UGT1A7: variants seen among roughly 807,000 people sequenced by gnomAD.
UGT1A7 encodes UDP-glucuronosyltransferase 1A7.
A neutral mutation model predicts 45.6 loss-of-function variants in UGT1A7; 33 were observed. The ratio of observed to expected loss-of-function variants is 0.72; its 90% CI spans 0.55 to 0.97. UGT1A7 has a LOEUF of 0.97. Among genes scored for constraint, UGT1A7 ranks in the 50% least tolerant of loss-of-function variants. UGT1A7 has a pLI of 0.00. For missense variants in UGT1A7, 684 were observed against 666.2 expected (o/e 1.03, Z -0.29); for synonymous variants, 274 against 250.6 (o/e 1.09, Z -0.88).
intron 1 of UGT1A7, chr2:233,754,955 G>A (rs767638744): frequency 7.6e-6 from 10 of 1,314,252 alleles, no homozygotes; most frequent in South Asian, 1.1e-5. Context: ...GGTCCCGGCC[G>A]CCAAAGAACT....
rs551497641 is a variant in UGT1A7 at position 233,769,657 on chromosome 2, C to T, written c.1295+1218C>T. ...GGGAGGACTGATGACTGACTTCCCA[C>T]CTTTGAGGTGCTAATGTGTGTGTGG... On this transcript the variant is annotated intron_variant, in intron 4 of 4. Transcript: ENST00000373426. This position sits in a 1 kb window ranked among gnomAD's most constrained non-coding sequence, Gnocchi z 4.4. 6.2e-7 allele frequency: 1 copy of T among 1,602,246 alleles called. No individual in the cohort carries two copies. Among genetic ancestry groups the T allele is most frequent in the African/African-American group, 1.3e-5 (1 of 74,712 alleles).
At chr2:233,748,129 T>A in intron 1 of UGT1A7, 2 of 1,610,122 alleles carry the variant, frequency 1.2e-6, no homozygotes, top group Admixed American at 1.7e-5. Context: ...AAACAGTTTT[T>A]AAAAATTGTA....
At chr2:233,693,769 A>C (rs1451230147) in intron 1 of UGT1A7, 3 of 1,614,160 alleles carry the variant, frequency 1.9e-6, no homozygotes, top group Non-Finnish European at 1.7e-6. Context: ...TTTGGCTGTT[A>C]AGATATGACT....
At chr2:233,731,647 G>A (rs2078187092) in intron 1 of UGT1A7, among the ~76,000 whole-genome samples, 1 of 152,156 alleles carries the variant, frequency 6.6e-6, no homozygotes, top group Admixed American at 6.5e-5. Flanking sequence ...GTATTCCATG[G>A]TGTATATGTG....
At chr2:233,692,224 G>A (rs996571902) in intron 1 of UGT1A7, 1 of 152,382 alleles carries the variant, frequency 6.6e-6, no homozygotes, top group Admixed American at 6.5e-5. Context: ...AGAGATGGCA[G>A]ATGGGGCTCC....
chr2:233,741,276 T>C (rs752081250), intron 1 of UGT1A7, among the ~76,000 whole-genome samples: 1 of 151,850 alleles, frequency 6.6e-6, no homozygotes, highest in Non-Finnish European at 1.5e-5. Flanking sequence ...CACTGAACAA[T>C]GGGATTTATG....
At chr2:233,723,367 A>C (rs1057114040) in intron 1 of UGT1A7, among the ~76,000 whole-genome samples, 6 of 125,432 alleles carry the variant, frequency 4.8e-5, no homozygotes, top group Middle Eastern at 3.9e-3. Context: ...ACGTCACCAC[A>C]CCTGGCTAAT....
chr2:233,745,923 C>T (rs922725968), intron 1 of UGT1A7, among the ~76,000 whole-genome samples: 1 of 151,246 alleles, frequency 6.6e-6, no homozygotes, highest in Non-Finnish European at 1.5e-5. Flanking sequence ...GGCAGTGATT[C>T]AGAAGGGACA....
At chr2:233,720,076 G>A (rs1239558691) in intron 1 of UGT1A7, among the ~76,000 whole-genome samples, 1 of 152,116 alleles carries the variant, frequency 6.6e-6, no homozygotes, top group African/African-American at 2.4e-5. Context: ...TTAGAATTGT[G>A]GACATGATAA....
rs62625011 is a variant in UGT1A7 at position 233,767,092 on chromosome 2, G to A, written c.914G>A (p.Gly305Glu). The A allele has an allele frequency of 2.5e-6, 4 of 1,614,070 alleles. No individual in the cohort carries two copies. In the Admixed American group the frequency reaches 5.0e-5, roughly 20 times the overall value. The change falls in exon 2 of 5, where the codon GGA becomes GAA. Residue 305 changes from glycine to glutamate, a missense_variant. Coordinates refer to ENST00000373426, the MANE Select transcript of UGT1A7 (RefSeq NM_019077.3). ...CATGGAATTGTGGTTTTCTCTTTGG[G>A]ATCAATGGTCTCAGAAATTCCAGAG... ...GEHGIVVFSL[G>E]SMVSEIPEKK...
At chr2:233,742,273 A>C (rs1691925901) in intron 1 of UGT1A7, among the ~76,000 whole-genome samples, 1 of 151,986 alleles carries the variant, frequency 6.6e-6, no homozygotes, top group Non-Finnish European at 1.5e-5. Context: ...AGCCTGTGAT[A>C]AGCATCATTT....
intron 1 of UGT1A7, among the ~76,000 whole-genome samples, chr2:233,686,265 T>C (rs1311143668): frequency 1.3e-5 from 2 of 152,054 alleles, no homozygotes; most frequent in Non-Finnish European, 2.9e-5. Context: ...TTTTTTCTTG[T>C]ACCAAAAGTA....
chr2:233,754,484 A>G (rs1052764550), intron 1 of UGT1A7: 3 of 358,432 alleles, frequency 8.4e-6, no homozygotes, highest in African/African-American at 2.1e-5. Context: ...TTCACTTTCA[A>G]TCCTAAAAAA....
intron 1 of UGT1A7, chr2:233,740,614 G>C (rs1166695020): frequency 6.6e-6 from 1 of 151,764 alleles, no homozygotes; most frequent in Non-Finnish European, 1.5e-5. Context: ...AGGTCTCTTG[G>C]GGCTCACAGG....
chr2:233,701,822 A>G (rs2075654482), intron 1 of UGT1A7, among the ~76,000 whole-genome samples: 1 of 152,190 alleles, frequency 6.6e-6, no homozygotes, highest in Admixed American at 6.5e-5. Context: ...ACATACCAGA[A>G]TCTCTGGGAC....
chr2:233,737,637 G>A (rs1475956364), intron 1 of UGT1A7, among the ~76,000 whole-genome samples: 4 of 152,182 alleles, frequency 2.6e-5, no homozygotes, highest in Admixed American at 6.5e-5. Context: ...CATCTTCTGC[G>A]TCGATCATGC....
intron 1 of UGT1A7, among the ~76,000 whole-genome samples, chr2:233,683,427 G>A (rs1397894608): frequency 6.6e-6 from 1 of 151,982 alleles, no homozygotes; most frequent in African/African-American, 2.4e-5. Flanking sequence ...GGGTTTATGA[G>A]CAATAATAAG....
chr2:233,701,248 C>G (rs1368888043), intron 1 of UGT1A7, among the ~76,000 whole-genome samples: 3 of 152,042 alleles, frequency 2.0e-5, no homozygotes, highest in African/African-American at 7.3e-5. Context: ...AATGAGATGG[C>G]TGGGTCAAAT....
intron 1 of UGT1A7, among the ~76,000 whole-genome samples, chr2:233,750,203 C>A (rs1694389786): frequency 6.6e-6 from 1 of 151,828 alleles, no homozygotes; most frequent in African/African-American, 2.4e-5. Context: ...GAAGTCCAGG[C>A]TGAGTCTCAG....
Sources: allele counts gnomAD v4.1 joint callset (sites outside exome capture counted in the v4.1 genomes callset), GRCh38; gene constraint gnomAD v4.1.1; non-coding constraint Gnocchi (gnomAD v3.1); transcripts MANE v1.5; gene names NCBI Gene and HGNC (gene_info 2026-07-23, HGNC 2026-07-21).